Variants in SCML4 observed in about 807,000 individuals in gnomAD.
SCML4 encodes the protein sex comb on midleg-like protein 4.
A neutral mutation model predicts 41.1 loss-of-function variants in SCML4; 34 were observed. That is an observed-to-expected ratio of 0.83 (90% CI 0.63 to 1.10). The LOEUF (loss-of-function observed/expected upper bound fraction) is 1.10, where lower values mean the gene tolerates loss of function less well. Ranked by LOEUF, SCML4 falls within the 50% of genes least tolerant of loss-of-function variation. SCML4 has a pLI of 0.00. For missense variants in SCML4, 522 were observed against 534.1 expected, an observed-to-expected ratio of 0.98 and a Z score of 0.22; for synonymous variants, 214 against 220.9, an observed-to-expected ratio of 0.97 and a Z score of 0.28.
intron 2 of SCML4, 38 bp downstream of exon 2, chr6:107,772,134 C>T (rs1183763109): frequency 2.0e-6 from 3 of 1,524,458 alleles, no homozygotes; most frequent in Non-Finnish European, 1.8e-6. Context: ...GTGCCCCAGC[C>T]CAATACCACT....
At chr6:107,816,125 A>G (rs574600273) in intron 1 of SCML4, among the ~76,000 whole-genome samples, 3 of 152,360 alleles carry the variant, frequency 2.0e-5, no homozygotes, top group East Asian at 3.9e-4. Flanking sequence ...GTGGCCCTCA[A>G]TAAGTTAGTT....
chr6:107,811,289 C>G (rs926709563), intron 1 of SCML4, among the ~76,000 whole-genome samples: 6 of 152,196 alleles, frequency 3.9e-5, no homozygotes, highest in African/African-American at 1.4e-4. Context: ...TACACAGGAG[C>G]CAGATCACCA....
upstream of SCML4, among the ~76,000 whole-genome samples, chr6:107,827,102 A>C: frequency 6.7e-6 from 1 of 148,786 alleles, no homozygotes; most frequent in South Asian, 2.1e-4. Flanking sequence ...TATATATTTA[A>C]GTAAACAATA....
At chr6:107,813,204 A>C (rs1784289105) in intron 1 of SCML4, among the ~76,000 whole-genome samples, 1 of 150,926 alleles carries the variant, frequency 6.6e-6, no homozygotes, top group African/African-American at 2.4e-5. Context: ...TCTACCAAAA[A>C]TACAAAAAAT....
At chr6:107,726,570 C>A (rs1776006290) in intron 5 of SCML4, among the ~76,000 whole-genome samples, 1 of 139,212 alleles carries the variant, frequency 7.2e-6, no homozygotes, top group African/African-American at 2.7e-5. Context: ...TATTCTAGCT[C>A]AATAAAAAGA....
intron 6 of SCML4, among the ~76,000 whole-genome samples, chr6:107,714,369 T>G (rs1209555628): frequency 6.6e-6 from 1 of 152,078 alleles, no homozygotes; most frequent in African/African-American, 2.4e-5. Context: ...CTGGTTGTCT[T>G]TCCTCCTGCT....
the SCML4 span, among the ~76,000 whole-genome samples, chr6:107,835,467 C>T: frequency 1.4e-4 from 22 of 151,830 alleles, no homozygotes; most frequent in Non-Finnish European, 5.9e-5. Flanking sequence ...AAGCTGGGTA[C>T]AGTGACTCAC....
In SCML4 at chr6:107,804,248, C is replaced by CGTGTGTGTGTGTGTGTGTGT. The variant is rs1554223036; in HGVS notation, c.-60+19877_-60+19878insACACACACACACACACACAC. ...GCTAATTTACATTTTAAACATGAAACGTGTGTGTGTGTGCACAACTTGTAC... is the reference window on the plus strand; with the variant it reads ...GCTAATTTACATTTTAAACATGAAACGTGTGTGTGTGTGTGTGTGTGTGTGTGTGTGTGCACAACTTGTAC... On this transcript the variant is annotated intron_variant, in intron 1 of 7. Transcript: ENST00000369020. 4.7e-3 allele frequency among the ~76,000 whole-genome samples: 709 copies of CGTGTGTGTGTGTGTGTGTGT among 150,744 alleles called. 7 individuals are homozygous for CGTGTGTGTGTGTGTGTGTGT. Among genetic ancestry groups the CGTGTGTGTGTGTGTGTGTGT allele is most frequent in the African/African-American group, 0.017 (684 of 41,156 alleles).
intron 1 of SCML4, among the ~76,000 whole-genome samples, chr6:107,820,940 G>A (rs763768914): frequency 2.0e-5 from 3 of 152,188 alleles, no homozygotes; most frequent in Non-Finnish European, 4.4e-5. Context: ...ATTTTACCAC[G>A]ATTTGGGTGA....
rs147285507 is a variant in SCML4, at chr6:107,738,570, G to A, written c.682+6379C>T. ...CAGGAGGTGGAGGTCGCAGTGAGCCGAGTTCGTACCACTGCACTCCAGCCT... is the reference window on the plus strand; with the variant it reads ...CAGGAGGTGGAGGTCGCAGTGAGCCAAGTTCGTACCACTGCACTCCAGCCT... On this transcript the variant is annotated intron_variant, in intron 5 of 7. Coordinates refer to ENST00000369020, the MANE Select transcript of SCML4 (RefSeq NM_198081.5). 4.0e-3 allele frequency among the ~76,000 whole-genome samples: 610 copies of A among 151,906 alleles called. 7 individuals carry two copies. In the East Asian group the frequency reaches 0.053, roughly 13 times the overall value.
upstream of SCML4, among the ~76,000 whole-genome samples, chr6:107,824,690 C>G (rs1333790791): frequency 6.6e-6 from 1 of 152,042 alleles, no homozygotes; most frequent in Non-Finnish European, 1.5e-5. Context: ...TTTTCATTAC[C>G]CCTCCTCTGT....
At chr6:107,785,749 G>T (rs1781839595) in intron 1 of SCML4, among the ~76,000 whole-genome samples, 1 of 152,242 alleles carries the variant, frequency 6.6e-6, no homozygotes, top group Non-Finnish European at 1.5e-5. Flanking sequence ...ATCTGTACAT[G>T]ATATGGCAGG....
chr6:107,840,519 C>T, the SCML4 span, among the ~76,000 whole-genome samples: 1 of 152,204 alleles, frequency 6.6e-6, no homozygotes, highest in African/African-American at 2.4e-5. Context: ...CTTCTGAGTG[C>T]CAGGCACTGT....
At chr6:107,724,979 G>T (rs1297052956) in intron 5 of SCML4, among the ~76,000 whole-genome samples, 1 of 152,196 alleles carries the variant, frequency 6.6e-6, no homozygotes, top group African/African-American at 2.4e-5. Flanking sequence ...CCATATGTGG[G>T]AGCTAAAAAA....
Position 107,749,764 on chromosome 6 carries a change from C to T in SCML4, c.206G>A (p.Ser69Asn), listed in dbSNP as rs1778454711. The T allele has an allele frequency of 6.2e-7, 1 of 1,613,992 alleles. No homozygotes were observed. Among genetic ancestry groups the T allele is most frequent in the Non-Finnish European group, 8.5e-7 (1 of 1,179,976 alleles). ...GGAGCTGAGGTCGGGCTCTGGGGTA[C>T]TCCGCGGAGGTGAGAGGGCTAAGGG... ...MTPLALSPPR[S>N]TPEPDLSSIP... Residue 69 changes from serine (S) to asparagine (N), a missense_variant, in exon 3 of 8, where the codon AGT (serine) becomes AAT (asparagine). Transcript: ENST00000369020.
At chr6:107,835,823 G>T in the SCML4 span, among the ~76,000 whole-genome samples, 1 of 145,526 alleles carries the variant, frequency 6.9e-6, no homozygotes, top group Non-Finnish European at 1.5e-5. Flanking sequence ...AAGGATAGAA[G>T]AACAGAAGAT....
At chr6:107,819,302 T>C (rs1177535374) in intron 1 of SCML4, among the ~76,000 whole-genome samples, 1 of 74,620 alleles carries the variant, frequency 1.3e-5, no homozygotes, top group East Asian at 7.5e-4. Flanking sequence ...AGGCCATATG[T>C]TTCTGTTTTG....
At chr6:107,842,799 C>A in the SCML4 span, among the ~76,000 whole-genome samples, 653 of 152,246 alleles carry the variant, frequency 4.3e-3, 4 homozygotes, top group African/African-American at 0.015. Flanking sequence ...TCTGTTCTAG[C>A]AGTTTTTGCT....
At chr6:107,806,566 C>T (rs1240260441) in intron 1 of SCML4, among the ~76,000 whole-genome samples, 1 of 152,238 alleles carries the variant, frequency 6.6e-6, no homozygotes, top group Non-Finnish European at 1.5e-5. Flanking sequence ...GGTGGGCCCA[C>T]TACTCTGCAC....
Sources: allele counts gnomAD v4.1 joint callset (sites outside exome capture counted in the v4.1 genomes callset), GRCh38; gene constraint gnomAD v4.1.1; transcripts MANE v1.5; gene names NCBI Gene and HGNC (gene_info 2026-07-23, HGNC 2026-07-21).